The following ADAMTS17 variants were observed in gnomAD, a reference collection of about 807,000 sequenced individuals.
The protein encoded by ADAMTS17 is A disintegrin and metalloproteinase with thrombospondin motifs 17.
ADAMTS17 carries 113 observed loss-of-function variants against 141.5 expected under a neutral mutation model. The observed-to-expected ratio is 0.80, with a 90% confidence interval of 0.69 to 0.93. The LOEUF is 0.93. Ranked by LOEUF, ADAMTS17 falls within the 40% of genes least tolerant of loss-of-function variation. The pLI is 0.00. For missense variants in ADAMTS17, 1,659 were observed against 1,517.9 expected (o/e 1.09, Z -1.54); for synonymous variants, 768 against 630.6 (o/e 1.22, Z -3.27).
intron 18 of ADAMTS17, among the ~76,000 whole-genome samples, chr15:100,030,534 C>G (rs1405496404): frequency 2.0e-5 from 3 of 152,156 alleles, no homozygotes; most frequent in Non-Finnish European, 4.4e-5. Context: ...TAGTCACGCG[C>G]TGAGCCTGAA....
At chr15:100,056,980 G>A (rs1025756117) in intron 15 of ADAMTS17, among the ~76,000 whole-genome samples, 7 of 152,194 alleles carry the variant, frequency 4.6e-5, no homozygotes, top group South Asian at 2.1e-4. Context: ...GGATAAGCCC[G>A]CTTTCAGCTG....
chr15:100,005,916 G>C (rs2061028274), intron 18 of ADAMTS17, among the ~76,000 whole-genome samples: 1 of 152,072 alleles, frequency 6.6e-6, no homozygotes, highest in Admixed American at 6.5e-5. Flanking sequence ...CGGCTGGGAA[G>C]CCTTGGTGTT....
intron 7 of ADAMTS17, among the ~76,000 whole-genome samples, chr15:100,220,652 G>C (rs1163478718): frequency 6.6e-6 from 1 of 152,130 alleles, no homozygotes; most frequent in East Asian, 1.9e-4. Context: ...CTAGGGTGAT[G>C]AAAGATGTGA....
chr15:100,231,168 A>G (rs988459617), intron 7 of ADAMTS17, among the ~76,000 whole-genome samples: 2 of 152,198 alleles, frequency 1.3e-5, no homozygotes, highest in African/African-American at 2.4e-5. Context: ...GGTGTGCCTC[A>G]TTATTTTCAG....
intron 3 of ADAMTS17, chr15:100,305,856 T>A (rs1272706783): frequency 6.6e-6 from 1 of 152,234 alleles, no homozygotes; most frequent in African/African-American, 2.4e-5. Context: ...TCTCTAAAAA[T>A]ATATATAAAT....
At chr15:100,294,547 C>CAAAAA (rs781219628) in intron 3 of ADAMTS17, among the ~76,000 whole-genome samples, 1 of 129,502 alleles carries the variant, frequency 7.7e-6, no homozygotes. Flanking sequence ...CCAGCGTGGG[C>CAAAAA]AAAAAAAAAA....
Position 100,048,940 on chromosome 15 carries a change from A to G in ADAMTS17, c.2508T>C (p.Thr836=), listed in dbSNP as rs1268758820. Reference sequence around the variant, plus strand: ...GAGGGCAGTCACTGTCGTTCACCAGAGTTGTGGTCTTGTTGACAATCCGTG... The same window carrying G: ...GAGGGCAGTCACTGTCGTTCACCAGGGTTGTGGTCTTGTTGACAATCCGTG... ...SCTRIVNKTT[T]LVNDSDCPQA... is the part of the protein sequence containing the mutation. The change falls in exon 18 of 22, where the codon ACT becomes ACC. Residue 836 remains threonine (T), a synonymous_variant. Coordinates refer to ENST00000268070, the MANE Select transcript of ADAMTS17 (RefSeq NM_139057.4). The G allele has an allele frequency of 6.2e-7, 1 of 1,614,036 alleles. No individual in the cohort carries two copies. The highest frequency in any genetic ancestry group is 1.1e-5 in the South Asian group (1 of 91,070).
chr15:100,107,537 T>C (rs2036484570), intron 14 of ADAMTS17, among the ~76,000 whole-genome samples: 1 of 152,046 alleles, frequency 6.6e-6, no homozygotes, highest in South Asian at 2.1e-4. Flanking sequence ...AATGTTTGTG[T>C]CTCCTCAAAT....
At chr15:99,996,065 T>TAAACA (rs2060795342) in intron 19 of ADAMTS17, among the ~76,000 whole-genome samples, 1 of 151,948 alleles carries the variant, frequency 6.6e-6, no homozygotes, top group Non-Finnish European at 1.5e-5. Context: ...TTTTTTTTTT[T>TAAACA]TTTTTTGAGA....
chr15:100,131,977 CGTTGGG>C, intron 12 of ADAMTS17, 24 bp downstream of exon 12: 1 of 1,614,136 alleles, frequency 6.2e-7, no homozygotes, highest in Non-Finnish European at 8.5e-7. Flanking sequence ...AATCGTGGCA[CGTTGGG>C]GTATGGCTGG....
chr15:100,094,043 C>T (rs8038535), intron 15 of ADAMTS17, among the ~76,000 whole-genome samples: 148,166 of 152,008 alleles, frequency 0.97, 72,254 homozygotes, highest in Non-Finnish European at 0.99. Flanking sequence ...ATACAATCCA[C>T]ATGGATGTGG....
chr15:100,053,090 G>A (rs1322851364), intron 16 of ADAMTS17, among the ~76,000 whole-genome samples: 1 of 152,168 alleles, frequency 6.6e-6, no homozygotes, highest in Non-Finnish European at 1.5e-5. Context: ...CAGGCACTGT[G>A]GACAAAGCGT....
chr15:100,254,150 G>C lies in ADAMTS17; in HGVS notation c.1061C>G (p.Pro354Arg). 1 of 1,613,310 alleles carries C rather than the reference G, an allele frequency of 6.2e-7. No homozygotes were observed. Among genetic ancestry groups the C allele is most frequent in the Admixed American group, 1.7e-5 (1 of 60,006 alleles). ...TCTAAACTTACCAACAGTGTCACAC[G>C]GTTCATCCTTGTGTACACAGAAATC... ...RTDFCVHKDEPCDTVGIAYLG... is the reference protein window; with the variant it reads ...RTDFCVHKDERCDTVGIAYLG... Residue 354 changes from proline to arginine, a missense_variant, in exon 7 of 22, where the codon CCG (proline) becomes CGG (arginine). By Grantham distance (103) the Pro-to-Arg change is moderately radical. Transcript: ENST00000268070.
At chr15:100,325,575 T>A (rs1362950402) in intron 3 of ADAMTS17, among the ~76,000 whole-genome samples, 4 of 152,156 alleles carry the variant, frequency 2.6e-5, no homozygotes, top group African/African-American at 4.8e-5. Context: ...ATGAATGGCT[T>A]AGTGCCATCC....
intron 3 of ADAMTS17, among the ~76,000 whole-genome samples, chr15:100,315,206 C>G (rs1288773678): frequency 6.6e-6 from 1 of 152,322 alleles, no homozygotes; most frequent in East Asian, 1.9e-4. Context: ...TCCTCTGCCC[C>G]AGGTATCCAC....
At chr15:100,001,798 C>A (rs529565963) in intron 18 of ADAMTS17, among the ~76,000 whole-genome samples, 3 of 151,706 alleles carry the variant, frequency 2.0e-5, no homozygotes, top group East Asian at 3.9e-4. Flanking sequence ...TGGTGAAACC[C>A]CATCTCTACT....
rs112074684 is a variant in ADAMTS17, at chr15:100,065,386, A to G, written c.2138-11332T>C. Among the ~76,000 whole-genome samples, 795 of 152,356 alleles carry G rather than the reference A, an allele frequency of 5.2e-3. 8 individuals are homozygous for G. Among genetic ancestry groups the G allele is most frequent in the African/African-American group, 0.018 (745 of 41,580 alleles). On this transcript the variant is annotated intron_variant, in intron 15 of 21. Coordinates refer to ENST00000268070, the MANE Select transcript of ADAMTS17 (RefSeq NM_139057.4). ...GATCAAGCAAAAAGTATATTGATCT[A>G]TAGGCTATATGAGGTGTTCTGTAGC... is the stretch of plus-strand genomic sequence containing the variant.
chr15:100,150,724 A>T (rs1480138969), intron 10 of ADAMTS17, among the ~76,000 whole-genome samples: 2 of 152,082 alleles, frequency 1.3e-5, no homozygotes, highest in Non-Finnish European at 2.9e-5. Flanking sequence ...CTGGCCCGCC[A>T]CATCTCACTG....
intron 7 of ADAMTS17, among the ~76,000 whole-genome samples, chr15:100,239,772 G>C (rs1420145571): frequency 6.6e-6 from 1 of 152,154 alleles, no homozygotes. Flanking sequence ...ATGGACACAT[G>C]CCACTCCTAT....
Sources: gnomAD v4.1 joint callset for allele counts (sites outside exome capture counted in the v4.1 genomes callset) on GRCh38, gnomAD v4.1.1 for gene constraint, MANE v1.5 for transcripts, NCBI Gene and HGNC (gene_info 2026-07-23, HGNC 2026-07-21) for gene names.